Variants in MAF observed in about 807,000 individuals in gnomAD.
The protein encoded by MAF is transcription factor Maf.
MAF carries 10 observed loss-of-function variants against 22.0 expected under a neutral mutation model. The observed-to-expected ratio is 0.45, with a 90% CI of 0.28 to 0.77. The LOEUF (loss-of-function observed/expected upper bound fraction) is 0.77. MAF is among the 30% of genes least tolerant of loss of function. MAF has a pLI of 0.12. For missense variants in MAF, 544 were observed against 548.4 expected (o/e 0.99, Z 0.08); for synonymous variants, 337 against 255.8 (o/e 1.32, Z -3.03).
the MAF span, among the ~76,000 whole-genome samples, chr16:79,293,889 G>A: frequency 5.1e-3 from 775 of 151,766 alleles, 6 homozygotes; most frequent in Admixed American, 8.3e-3. Flanking sequence ...AGAAAAGCAG[G>A]CTTTGTCTCT....
the MAF span, among the ~76,000 whole-genome samples, chr16:79,571,266 A>G: frequency 0.75 from 113,333 of 151,984 alleles, 42,490 homozygotes; most frequent in Non-Finnish European, 0.77. Context: ...TAAGAACTTG[A>G]AGAATCAGCT....
the MAF span, among the ~76,000 whole-genome samples, chr16:79,352,711 G>A: frequency 2.0e-5 from 3 of 152,140 alleles, no homozygotes; most frequent in East Asian, 1.9e-4. Context: ...AGGGCTTCTC[G>A]GCCTCAGTGC....
chr16:79,570,011 C>CT, the MAF span, among the ~76,000 whole-genome samples: 2,400 of 116,898 alleles, frequency 0.021, 35 homozygotes, highest in African/African-American at 0.046. Flanking sequence ...TGTCTTTGTT[C>CT]TTTTTTTTTT....
chr16:79,566,738 GCAGGGCCCTAAGGA>G, the MAF span, among the ~76,000 whole-genome samples: 1 of 152,266 alleles, frequency 6.6e-6, no homozygotes, highest in East Asian at 1.9e-4. Context: ...GGTGAGATGT[GCAGGGCCCTAAGGA>G]ACCTCCAGTT....
chr16:79,516,447 G>T, the MAF span, among the ~76,000 whole-genome samples: 1 of 152,172 alleles, frequency 6.6e-6, no homozygotes, highest in South Asian at 2.1e-4. Flanking sequence ...CAAGGCAAAG[G>T]TGAGTATTAT....
At chr16:79,323,309 G>A in the MAF span, among the ~76,000 whole-genome samples, 1 of 151,790 alleles carries the variant, frequency 6.6e-6, no homozygotes, top group Non-Finnish European at 1.5e-5. Context: ...TGTCACGAAT[G>A]GTGTCCCAGG....
At chr16:79,507,483 G>A in the MAF span, among the ~76,000 whole-genome samples, 1 of 149,802 alleles carries the variant, frequency 6.7e-6, no homozygotes, top group Non-Finnish European at 1.5e-5. Context: ...GGAGTGCAGT[G>A]GCATGATCTC....
At chr16:79,524,659 G>A in the MAF span, among the ~76,000 whole-genome samples, 3 of 152,034 alleles carry the variant, frequency 2.0e-5, no homozygotes, top group Non-Finnish European at 4.4e-5. Flanking sequence ...GGTTTTCCTC[G>A]ACAGCTACTT....
the MAF span, among the ~76,000 whole-genome samples, chr16:79,258,656 C>T: frequency 5.3e-5 from 8 of 152,212 alleles, no homozygotes; most frequent in Admixed American, 2.0e-4. Flanking sequence ...AAGGGGCCAC[C>T]TGCCCCTGAA....
At chr16:79,306,952 C>T in the MAF span, among the ~76,000 whole-genome samples, 1,166 of 152,274 alleles carry the variant, frequency 7.7e-3, 16 homozygotes, top group African/African-American at 0.026. Flanking sequence ...GTGCTGGGAG[C>T]ATCATAAGCA....
the MAF span, among the ~76,000 whole-genome samples, chr16:79,292,553 A>C: frequency 1.3e-5 from 2 of 152,210 alleles, no homozygotes; most frequent in Admixed American, 1.3e-4. Context: ...AGAGAGAAAG[A>C]ACTCAGAAGT....
chr16:79,273,051 T>C, the MAF span, among the ~76,000 whole-genome samples: 3 of 152,236 alleles, frequency 2.0e-5, no homozygotes, highest in Non-Finnish European at 2.9e-5. Flanking sequence ...TTATTGATAA[T>C]ACAATGTGGG....
At chr16:79,541,803 G>A in the MAF span, among the ~76,000 whole-genome samples, 5 of 151,692 alleles carry the variant, frequency 3.3e-5, no homozygotes, top group Non-Finnish European at 7.4e-5. Context: ...TTAAAGGCAG[G>A]CACCACCACG....
the MAF span, among the ~76,000 whole-genome samples, chr16:79,351,787 G>C: frequency 4.6e-5 from 7 of 152,114 alleles, no homozygotes; most frequent in Non-Finnish European, 8.8e-5. Context: ...CAGAAGCCTG[G>C]AACGGCAGCC....
At chr16:79,405,817 T>A in the MAF span, among the ~76,000 whole-genome samples, 1 of 152,200 alleles carries the variant, frequency 6.6e-6, no homozygotes, top group East Asian at 1.9e-4. Flanking sequence ...TCGCCTCATT[T>A]TGGAGAGAAA....
the MAF span, among the ~76,000 whole-genome samples, chr16:79,490,100 G>A: frequency 6.6e-6 from 1 of 152,204 alleles, no homozygotes; most frequent in African/African-American, 2.4e-5. Context: ...GGTCCAGGAG[G>A]CAGTTATATT....
chr16:79,358,188 G>A, the MAF span, among the ~76,000 whole-genome samples: 1 of 152,296 alleles, frequency 6.6e-6, no homozygotes, highest in African/African-American at 2.4e-5. Flanking sequence ...TTCAAATACT[G>A]GCGATGTAAT....
the MAF span, among the ~76,000 whole-genome samples, chr16:79,251,560 A>G: frequency 6.6e-6 from 1 of 151,586 alleles, no homozygotes; most frequent in Non-Finnish European, 1.5e-5. Flanking sequence ...CAGGTGATCC[A>G]TTCGCCTCGG....
the MAF span, among the ~76,000 whole-genome samples, chr16:79,321,319 T>C: frequency 6.6e-6 from 1 of 152,198 alleles, no homozygotes; most frequent in Non-Finnish European, 1.5e-5. Context: ...CACCTCAAGG[T>C]AGGGGAACCG....
Sources: allele counts gnomAD v4.1 joint callset (sites outside exome capture counted in the v4.1 genomes callset), GRCh38; gene constraint gnomAD v4.1.1; transcripts MANE v1.5; gene names NCBI Gene and HGNC (gene_info 2026-07-23, HGNC 2026-07-21).